IMMP2L: variants seen among roughly 807,000 people sequenced by gnomAD.
The protein encoded by IMMP2L is inner mitochondrial membrane peptidase subunit 2, also known as mitochondrial inner membrane protease subunit 2.
In IMMP2L, 18 loss-of-function variants were observed where a neutral mutation model predicts 19.3. That is an observed-to-expected ratio of 0.93 (90% CI 0.64 to 1.38). The LOEUF is 1.38. Ranked by LOEUF, IMMP2L falls within the 40% of genes most tolerant of loss-of-function variation. IMMP2L has a pLI of 0.00. For missense variants in IMMP2L, 233 were observed against 218.2 expected, an observed-to-expected ratio of 1.07 and a Z score of -0.43; for synonymous variants, 76 against 73.0, an observed-to-expected ratio of 1.04 and a Z score of -0.21.
chr7:111,207,564 G>A (rs1288853700), intron 3 of IMMP2L, among the ~76,000 whole-genome samples: 2 of 100,778 alleles, frequency 2.0e-5, no homozygotes, highest in Non-Finnish European at 3.7e-5. Context: ...TTTTGAGACA[G>A]AATCTTGCTC....
intron 1 of IMMP2L, among the ~76,000 whole-genome samples, chr7:111,526,755 A>G (rs954198229): frequency 6.6e-6 from 1 of 151,972 alleles, no homozygotes; most frequent in Admixed American, 6.6e-5. Flanking sequence ...CGCTACTTTT[A>G]TTTTAAGAGG....
intron 5 of IMMP2L, among the ~76,000 whole-genome samples, chr7:110,841,748 T>C (rs1805110029): frequency 6.6e-6 from 1 of 152,112 alleles, no homozygotes; most frequent in Non-Finnish European, 1.5e-5. Context: ...AGACCTACTA[T>C]ACCTGGACTT....
intron 3 of IMMP2L, among the ~76,000 whole-genome samples, chr7:111,116,789 A>G (rs1012098755): frequency 6.6e-6 from 1 of 152,174 alleles, no homozygotes; most frequent in Non-Finnish European, 1.5e-5. Flanking sequence ...CAATAATAAC[A>G]AAAAAGGCAG....
At chr7:110,904,092 G>A (rs1301206154) in intron 4 of IMMP2L, among the ~76,000 whole-genome samples, 1 of 151,922 alleles carries the variant, frequency 6.6e-6, no homozygotes, top group Non-Finnish European at 1.5e-5. Flanking sequence ...TTTTACTATA[G>A]AGTTGTAGGA....
rs540200481 is a variant in IMMP2L, at chr7:111,492,498, G to A, written c.136-5157C>T. 30 of 395,694 alleles carry A rather than the reference G, an allele frequency of 7.6e-5. 1 individual carries two copies. Among genetic ancestry groups the A allele is most frequent in the Non-Finnish European group, 1.0e-4 (30 of 291,220 alleles). The allele number at this position is 395,694 out of a possible 1,614,324, so 24.5% of individuals were successfully genotyped here. On this transcript the variant is annotated intron_variant, in intron 2 of 5. Coordinates refer to ENST00000405709, the MANE Select transcript of IMMP2L (RefSeq NM_032549.4). Reference sequence around the variant, plus strand: ...ATTTGTCAAAGTCCTTATCTGATGGGGACTCCTCTGTAAAGCCTTTAAAAA... The same window carrying A: ...ATTTGTCAAAGTCCTTATCTGATGGAGACTCCTCTGTAAAGCCTTTAAAAA...
intron 3 of IMMP2L, among the ~76,000 whole-genome samples, chr7:111,059,677 T>C (rs540444875): frequency 1.3e-5 from 2 of 152,268 alleles, no homozygotes; most frequent in Non-Finnish European, 2.9e-5. Context: ...TTACATATTC[T>C]GCTGACCAAA....
chr7:111,560,082 T>C (rs529074110), intron 1 of IMMP2L, among the ~76,000 whole-genome samples: 13 of 152,322 alleles, frequency 8.5e-5, no homozygotes, highest in African/African-American at 2.9e-4. Flanking sequence ...TATACATGTT[T>C]AACATATACT....
chr7:111,239,397 T>C (rs940917954), intron 3 of IMMP2L, among the ~76,000 whole-genome samples: 1 of 151,968 alleles, frequency 6.6e-6, no homozygotes, highest in East Asian at 1.9e-4. Context: ...TCACAAACTT[T>C]CGATAAAATT....
At chr7:111,035,766 T>C (rs1032579514) in intron 3 of IMMP2L, among the ~76,000 whole-genome samples, 3 of 152,168 alleles carry the variant, frequency 2.0e-5, no homozygotes, top group South Asian at 2.1e-4. Context: ...AAAATTATCA[T>C]TGGAGGAGTC....
In IMMP2L at chr7:111,440,573, G is replaced by A. The variant is rs983507818; in HGVS notation, c.239+46665C>T. ...TATGAACAGATGTGCTATCATCTAG[G>A]CTTTGTTGTTCCATTTATAGAGCAC... is the stretch of plus-strand genomic sequence containing the variant. On this transcript the variant is annotated intron_variant, in intron 3 of 5. Transcript: ENST00000405709. Among the ~76,000 whole-genome samples the A allele has an allele frequency of 2.6e-5, 4 of 151,786 alleles. 1 individual carries two copies. The highest frequency in any genetic ancestry group is 5.9e-5 in the Non-Finnish European group (4 of 68,024).
At chr7:110,786,719 G>T (rs529961715) in intron 5 of IMMP2L, among the ~76,000 whole-genome samples, 2 of 152,152 alleles carry the variant, frequency 1.3e-5, no homozygotes, top group Admixed American at 1.3e-4. Context: ...TTTCATCACT[G>T]AATGCTGTTT....
intron 3 of IMMP2L, among the ~76,000 whole-genome samples, chr7:111,133,583 C>T (rs1316543100): frequency 6.6e-6 from 1 of 151,852 alleles, no homozygotes; most frequent in Non-Finnish European, 1.5e-5. Context: ...TTGTGCTAAC[C>T]ATGTTAGAAA....
At chr7:111,298,375 C>T (rs1006796816) in intron 3 of IMMP2L, among the ~76,000 whole-genome samples, 3 of 151,930 alleles carry the variant, frequency 2.0e-5, no homozygotes, top group African/African-American at 4.8e-5. Context: ...TGGGAGGATC[C>T]GATAAATTAA....
intron 5 of IMMP2L, among the ~76,000 whole-genome samples, chr7:110,690,839 A>G (rs528750622): frequency 7.9e-5 from 12 of 152,296 alleles, no homozygotes; most frequent in Non-Finnish European, 1.5e-4. Flanking sequence ...ACAAATGGAA[A>G]TACATTTCAT....
intron 3 of IMMP2L, among the ~76,000 whole-genome samples, chr7:111,179,663 T>C (rs1460393968): frequency 6.6e-6 from 1 of 152,088 alleles, no homozygotes. Context: ...AGAGTGAGCC[T>C]GTCCTTTGAT....
chr7:111,021,576 C>G (rs2051290748), intron 3 of IMMP2L, among the ~76,000 whole-genome samples: 1 of 152,144 alleles, frequency 6.6e-6, no homozygotes, highest in South Asian at 2.1e-4. Flanking sequence ...TGCAGGGGAA[C>G]ACCTCTTTAT....
At chr7:111,429,440 C>T (rs2131671242) in intron 3 of IMMP2L, among the ~76,000 whole-genome samples, 1 of 151,914 alleles carries the variant, frequency 6.6e-6, no homozygotes, top group South Asian at 2.1e-4. Context: ...AAGCTTTCCA[C>T]ACATAGACCA....
intron 1 of IMMP2L, among the ~76,000 whole-genome samples, chr7:111,556,517 GC>G (rs1330328579): frequency 1.3e-5 from 2 of 151,898 alleles, no homozygotes; most frequent in Non-Finnish European, 2.9e-5. Context: ...CTCATGTCCA[GC>G]CCCCTTCAGC....
At chr7:111,326,233 T>G (rs1026063317) in intron 3 of IMMP2L, among the ~76,000 whole-genome samples, 2 of 151,770 alleles carry the variant, frequency 1.3e-5, no homozygotes, top group African/African-American at 4.8e-5. Context: ...GAGATATAAA[T>G]TATGCATTTA....
Sources: allele counts gnomAD v4.1 joint callset (sites outside exome capture counted in the v4.1 genomes callset), GRCh38; gene constraint gnomAD v4.1.1; transcripts MANE v1.5; gene names NCBI Gene and HGNC (gene_info 2026-07-23, HGNC 2026-07-21).